Variants in HNF1A observed in about 807,000 individuals in gnomAD.
HNF1A encodes hepatocyte nuclear factor 1-alpha.
In HNF1A, 21 loss-of-function variants were observed where a neutral mutation model predicts 62.2. The observed-to-expected ratio is 0.34, with a 90% CI of 0.24 to 0.49. The LOEUF is 0.49. Ranked by LOEUF, HNF1A falls within the 20% of genes least tolerant of loss-of-function variation. The pLI, the probability that HNF1A is intolerant of heterozygous loss-of-function variation, is 0.99. For synonymous variants in HNF1A, 374 were observed against 366.8 expected (o/e 1.02, Z -0.22); for missense variants, 687 against 832.3 (o/e 0.83, Z 2.15).
intron 2 of HNF1A, among the ~76,000 whole-genome samples, chr12:120,991,674 A>G (rs1183290): frequency 2.6e-5 from 4 of 152,152 alleles, no homozygotes; most frequent in Admixed American, 1.3e-4. Flanking sequence ...AGACAACTCT[A>G]GTCCTTACTC....
At position 120,997,458 on chromosome 12, in the gene HNF1A, T is replaced by G. The variant is rs1401117514; in HGVS notation, c.1310-16T>G. On this transcript the variant is annotated splice_polypyrimidine_tract_variant and intron_variant, in intron 6 of 9. Coordinates refer to ENST00000257555, the MANE Select transcript of HNF1A (RefSeq NM_000545.8). ...TAACTGGGGGGCCCAGCTGATTCCC[T>G]CCCCTTCCACTCCAGGCCTGGCCTC... The G allele has an allele frequency of 6.3e-7, 1 of 1,594,402 alleles. No homozygotes were observed. Among genetic ancestry groups the G allele is most frequent in the South Asian group, 1.1e-5 (1 of 89,928 alleles).
chr12:120,988,640 G>A (rs1876656126), intron 1 of HNF1A, among the ~76,000 whole-genome samples, 193 bp from the exon 2 acceptor site: 1 of 152,202 alleles, frequency 6.6e-6, no homozygotes, highest in South Asian at 2.1e-4. Context: ...ATGTGTCTGT[G>A]TCCCTGTGTC....
At chr12:120,993,757 G>T (rs770081416) in intron 3 of HNF1A, 51 bp downstream of exon 3, 2 of 1,579,462 alleles carry the variant, frequency 1.3e-6, no homozygotes, top group South Asian at 2.2e-5. Flanking sequence ...CTGCGGCAAG[G>T]CCAGGGAAGG....
intron 1 of HNF1A, among the ~76,000 whole-genome samples, chr12:120,981,211 C>T: frequency 6.6e-6 from 1 of 152,158 alleles, no homozygotes; most frequent in East Asian, 1.9e-4. Context: ...GAGGTTGAGG[C>T]TGGGAAGACG....
rs774637975 is a variant in HNF1A, at chr12:120,978,797, C to G, written c.29C>G (p.Thr10Arg). Reference protein sequence around the residue: MVSKLSQLQTELLAALLESG... With the variant: MVSKLSQLQRELLAALLESG... ...GTTTCTAAACTGAGCCAGCTGCAGA[C>G]GGAGCTCCTGGCGGCCCTGCTCGAG... Residue 10 changes from threonine to arginine, a missense_variant, in exon 1 of 10, where the codon ACG becomes AGG. Coordinates refer to ENST00000257555, the MANE Select transcript of HNF1A (RefSeq NM_000545.8). The G allele has an allele frequency of 1.2e-6, 2 of 1,613,096 alleles. No homozygotes were observed. Among genetic ancestry groups the G allele is most frequent in the South Asian group, 1.1e-5 (1 of 91,078 alleles).
At position 120,978,561 on chromosome 12, in the gene HNF1A, A is replaced by G; in HGVS notation, c.-208A>G. 1.6e-6 allele frequency: 1 copy of G among 630,358 alleles called. No homozygotes were observed. 39.0% of individuals were successfully genotyped at this position (630,358 alleles called of 1,614,324 possible). ...TTTCCCCAGCTCCAATGTAAACAGA[A>G]CAGGCAGGGGCCCTGATTCACGGGC... On this transcript the variant is annotated 5_prime_UTR_variant, in exon 1 of 10. Coordinates refer to ENST00000257555, the MANE Select transcript of HNF1A (RefSeq NM_000545.8).
In HNF1A at chr12:120,987,763, GATCTATCTATCTATCT is replaced by G. The variant is rs71811344; in HGVS notation, c.327-1036_327-1021del. 9.3e-4 allele frequency among the ~76,000 whole-genome samples: 136 copies of G among 147,004 alleles called. No homozygotes were observed. The Middle Eastern group carries it at 0.01, about 11-fold the overall frequency. On this transcript the variant is annotated intron_variant, in intron 1 of 9. Coordinates refer to ENST00000257555, the MANE Select transcript of HNF1A (RefSeq NM_000545.8). ...CTTTAGGGCAAAAAGTCACAAAGTT[GATCTATCTATCTATCT>G]ATCTATCTATCTATCTATCTATCTA... is the stretch of plus-strand genomic sequence containing the variant.
chr12:120,995,631 C>A (rs1172467478), intron 4 of HNF1A, among the ~76,000 whole-genome samples: 2 of 152,012 alleles, frequency 1.3e-5, no homozygotes, highest in African/African-American at 4.8e-5. Context: ...TACCATTCCA[C>A]TCCACTGTGT....
intron 3 of HNF1A, 56 bp downstream of exon 3, chr12:120,993,762 G>A: frequency 1.3e-6 from 2 of 1,564,626 alleles, no homozygotes; most frequent in South Asian, 2.3e-5. Context: ...GCAAGGCCAG[G>A]GAAGGGGAAG....
chr12:120,981,073 T>C (rs76385908), intron 1 of HNF1A: 10 of 152,298 alleles, frequency 6.6e-5, no homozygotes, highest in Non-Finnish European at 4.4e-5. Flanking sequence ...GGGTTACTTA[T>C]TGTTCAGGTA....
chr12:120,986,643 G>A lies in HNF1A; in HGVS notation c.327-2190G>A, dbSNP rs144924950. On this transcript the variant is annotated intron_variant, in intron 1 of 9. Transcript: ENST00000257555. The stretch of plus-strand genomic sequence containing the variant: ...TGCCCAGGCTGGAATGCAGTGGCGC[G>A]ATCTCGGCTCACTGCAACCTCTGCC... 1.8e-3 allele frequency among the ~76,000 whole-genome samples: 269 copies of A among 152,282 alleles called. 1 individual carries two copies. The highest frequency in any genetic ancestry group is 5.8e-3 in the African/African-American group (239 of 41,550).
At chr12:120,994,028 G>T in intron 3 of HNF1A, 136 bp from the exon 4 acceptor site, 1 of 1,188,138 alleles carries the variant, frequency 8.4e-7, no homozygotes. Flanking sequence ...TCACACAGCA[G>T]ACCTGGCATT....
rs1876632848 is a variant in HNF1A, at chr12:120,988,393, C to A, written c.327-440C>A. Among the ~76,000 whole-genome samples, 2 of 151,596 alleles carry A rather than the reference C, an allele frequency of 1.3e-5. 1 individual carries two copies. Among genetic ancestry groups the A allele is most frequent in the South Asian group, 4.2e-4 (2 of 4,804 alleles). ...CAGTCCATCCATCTATCCACCAATT[C>A]ATCCATCCATCCACCCATTCGCCCA... On this transcript the variant is annotated intron_variant, in intron 1 of 9. Transcript: ENST00000257555.
intron 1 of HNF1A, among the ~76,000 whole-genome samples, chr12:120,987,474 C>CAAAAAAAAAAA (rs59729082): frequency 6.4e-5 from 4 of 62,240 alleles, no homozygotes; most frequent in Non-Finnish European, 1.0e-4. Context: ...GACTCCATCT[C>CAAAAAAAAAAA]AAAAAAAAAA....
chr12:120,995,561 C>T (rs1435535363), intron 4 of HNF1A, among the ~76,000 whole-genome samples: 3 of 151,718 alleles, frequency 2.0e-5, no homozygotes, highest in African/African-American at 7.3e-5. Flanking sequence ...ACTCTATTCA[C>T]ATACTCCACC....
chr12:121,001,376 G>C lies in HNF1A; in HGVS notation c.*184G>C. The C allele has an allele frequency of 1.4e-6, 1 of 720,700 alleles. No homozygotes were observed. Among genetic ancestry groups the C allele is most frequent in the Non-Finnish European group, 2.3e-6 (1 of 437,278 alleles). The allele number at this position is 720,700 out of a possible 1,614,324, so 44.6% of individuals were successfully genotyped here. ...GGGCTCTGAGGCGCCCCAACCCGTG[G>C]AGGCTGCTCGGGGTGCACAGGAGGG... On this transcript the variant is annotated 3_prime_UTR_variant, in exon 10 of 10. Transcript: ENST00000257555.
intron 2 of HNF1A, among the ~76,000 whole-genome samples, chr12:120,989,262 CTTTT>C (rs1290210202): frequency 2.0e-5 from 3 of 152,102 alleles, no homozygotes; most frequent in African/African-American, 7.2e-5. Context: ...TCCCTGCTTT[CTTTT>C]TCTTTTTTTA....
chr12:120,986,406 C>T (rs1304261118), intron 1 of HNF1A, among the ~76,000 whole-genome samples: 3 of 152,214 alleles, frequency 2.0e-5, no homozygotes, highest in African/African-American at 7.2e-5. Flanking sequence ...GAATTGCCTT[C>T]TACTTGTGCC....
chr12:120,981,126 C>G (rs1876229547), intron 1 of HNF1A, among the ~76,000 whole-genome samples: 1 of 151,392 alleles, frequency 6.6e-6, no homozygotes, highest in Admixed American at 6.6e-5. Flanking sequence ...AAAGTGGGGC[C>G]TCCAGCGTCA....
Sources: allele counts gnomAD v4.1 joint callset (sites outside exome capture counted in the v4.1 genomes callset), GRCh38; gene constraint gnomAD v4.1.1; transcripts MANE v1.5; gene names NCBI Gene and HGNC (gene_info 2026-07-23, HGNC 2026-07-21).